The following SRPK2 variants were observed in gnomAD, a reference collection of about 807,000 sequenced individuals.
The protein encoded by SRPK2 is SRSF protein kinase 2, also known as SFRS protein kinase 2.
Under a neutral mutation model 90.8 loss-of-function variants are expected in SRPK2, and 21 were observed. That is an observed-to-expected ratio of 0.23 (90% CI 0.16 to 0.33). The LOEUF (loss-of-function observed/expected upper bound fraction) is 0.33, where lower values mean the gene tolerates loss of function less well. SRPK2 is among the 10% of genes least tolerant of loss of function. The pLI is 1.00. For synonymous variants in SRPK2, 288 were observed against 311.1 expected (o/e 0.93, Z 0.78); for missense variants, 620 against 869.0 (o/e 0.71, Z 3.60).
intron 2 of SRPK2, among the ~76,000 whole-genome samples, chr7:105,303,073 CA>C (rs926789697): frequency 6.7e-6 from 1 of 149,142 alleles, no homozygotes; most frequent in African/African-American, 2.5e-5. Context: ...GACTCCGTCT[CA>C]AAAAAAAAGG....
At chr7:105,241,578 G>A (rs66790006) in intron 2 of SRPK2, among the ~76,000 whole-genome samples, 65,259 of 151,936 alleles carry the variant, frequency 0.43, 15,477 homozygotes, top group Non-Finnish European at 0.53. Flanking sequence ...GCACAATGAG[G>A]TTAGGCAACT....
Position 105,269,207 on chromosome 7 carries a change from G to C in SRPK2, c.72-65422C>G, listed in dbSNP as rs188905650. ...TACAAACAAGAAATCTTGAACATCT[G>C]AATTAAATATACTAGATAATTTGAG... On this transcript the variant is annotated intron_variant, in intron 2 of 15. Coordinates refer to ENST00000393651, the MANE Select transcript of SRPK2 (RefSeq NM_182692.3). 6 of 508,344 alleles carry C rather than the reference G, an allele frequency of 1.2e-5. No individual in the cohort carries two copies. The Admixed American group carries it at 3.2e-4, about 27-fold the overall frequency. 31.5% of individuals were successfully genotyped at this position (508,344 alleles called of 1,614,324 possible).
upstream of SRPK2, among the ~76,000 whole-genome samples, chr7:105,393,469 T>C (rs998551701): frequency 1.3e-5 from 2 of 149,480 alleles, no homozygotes; most frequent in African/African-American, 4.9e-5. Context: ...CTTTTTTTTT[T>C]TTTTTTTTTT....
intron 3 of SRPK2, among the ~76,000 whole-genome samples, chr7:105,201,219 A>G (rs1336479715): frequency 6.6e-6 from 1 of 152,180 alleles, no homozygotes; most frequent in Non-Finnish European, 1.5e-5. Flanking sequence ...CTGTTGTGGA[A>G]TATACCACAA....
intron 2 of SRPK2, among the ~76,000 whole-genome samples, chr7:105,210,455 C>T (rs1247315490): frequency 6.6e-6 from 1 of 152,128 alleles, no homozygotes; most frequent in Non-Finnish European, 1.5e-5. Flanking sequence ...ATAGTAGAAT[C>T]GGTCAATATA....
At chr7:105,223,989 T>C (rs1028322947) in intron 2 of SRPK2, among the ~76,000 whole-genome samples, 1 of 152,160 alleles carries the variant, frequency 6.6e-6, no homozygotes, top group African/African-American at 2.4e-5. Flanking sequence ...TAGATATATA[T>C]TCCCCACCTG....
At position 105,396,757 on chromosome 7, in the gene SRPK2, GGAAAGAGAGAGAAA is replaced by G. The variant is rs1479195462; in HGVS notation, n.153+2385_153+2398del. On this transcript the variant is annotated intron_variant and non_coding_transcript_variant, in intron 1 of 3. Transcript: ENST00000462282. ...AGAGGAGGAGGAGGAGGAGAGGAGA[GGAAAGAGAGAGAAA>G]GAAAGAGAGAGAAAGAAAGAAAGAG... Among the ~76,000 whole-genome samples the G allele has an allele frequency of 5.6e-3, 817 of 145,872 alleles. 9 individuals carry two copies. Among genetic ancestry groups the G allele is most frequent in the African/African-American group, 0.018 (685 of 38,692 alleles).
At chr7:105,231,669 A>G (rs1799440128) in intron 2 of SRPK2, among the ~76,000 whole-genome samples, 1 of 152,140 alleles carries the variant, frequency 6.6e-6, no homozygotes, top group African/African-American at 2.4e-5. Context: ...ATGATCTGAG[A>G]TACTGAACTT....
At chr7:105,254,764 G>A (rs956791590) in intron 2 of SRPK2, among the ~76,000 whole-genome samples, 7 of 151,794 alleles carry the variant, frequency 4.6e-5, no homozygotes, top group Non-Finnish European at 8.8e-5. Context: ...GTCTTGGCTC[G>A]CTGTAGCCTT....
rs975939101 is a variant in SRPK2 at position 105,294,816 on chromosome 7, G to T, written c.72-91031C>A. On this transcript the variant is annotated intron_variant, in intron 2 of 15. Coordinates refer to ENST00000393651, the MANE Select transcript of SRPK2 (RefSeq NM_182692.3). ...GCTGGAATTACAGGTGTGAGCCACC[G>T]CACCCAACCCTTAGTCATTTTCTAA... is the stretch of plus-strand genomic sequence containing the variant. 2.0e-5 allele frequency among the ~76,000 whole-genome samples: 3 copies of T among 152,030 alleles called. No homozygotes were observed. In the East Asian group the frequency reaches 5.8e-4, roughly 29 times the overall value.
intron 2 of SRPK2, among the ~76,000 whole-genome samples, chr7:105,368,459 T>C (rs140139237): frequency 6.6e-6 from 1 of 152,332 alleles, no homozygotes; most frequent in East Asian, 1.9e-4. Flanking sequence ...AACTATTTTC[T>C]GTATCAGTCC....
chr7:105,244,638 G>A, intron 2 of SRPK2: 1 of 771,560 alleles, frequency 1.3e-6, no homozygotes, highest in Non-Finnish European at 2.2e-6. Flanking sequence ...GGCCGCCTTT[G>A]GAGAGCAGCA....
At chr7:105,157,003 A>C (rs10487150) in intron 7 of SRPK2, among the ~76,000 whole-genome samples, 46,536 of 152,050 alleles carry the variant, frequency 0.31, 7,411 homozygotes, top group Non-Finnish European at 0.35. Context: ...AAAGAATTCT[A>C]AATGGGAATA....
At chr7:105,152,616 G>A (rs1805865449) in intron 7 of SRPK2, among the ~76,000 whole-genome samples, 1 of 152,156 alleles carries the variant, frequency 6.6e-6, no homozygotes, top group Non-Finnish European at 1.5e-5. Context: ...CAAACCAAAA[G>A]GAATCATGTT....
chr7:105,241,809 C>G (rs565603314), intron 2 of SRPK2, among the ~76,000 whole-genome samples: 8 of 152,182 alleles, frequency 5.3e-5, no homozygotes, highest in African/African-American at 1.9e-4. Context: ...TATCACCTCT[C>G]CTCCCAGCAA....
chr7:105,268,081 G>T (rs1156271713), intron 2 of SRPK2, among the ~76,000 whole-genome samples: 1 of 152,158 alleles, frequency 6.6e-6, no homozygotes, highest in Non-Finnish European at 1.5e-5. Flanking sequence ...TCTGACTTCA[G>T]ATAAAAATAT....
intron 2 of SRPK2, among the ~76,000 whole-genome samples, chr7:105,245,865 C>T (rs1393527286): frequency 6.6e-6 from 1 of 152,106 alleles, no homozygotes; most frequent in Non-Finnish European, 1.5e-5. Context: ...ACTACAGGCA[C>T]ACATCATCGC....
At chr7:105,361,886 T>C (rs568301567) in intron 2 of SRPK2, among the ~76,000 whole-genome samples, 127 of 152,246 alleles carry the variant, frequency 8.3e-4, no homozygotes, top group African/African-American at 3.0e-3. Flanking sequence ...GAAGAAAACC[T>C]AGGCAATACC....
intron 3 of SRPK2, among the ~76,000 whole-genome samples, chr7:105,188,816 A>C (rs562677236): frequency 6.6e-6 from 1 of 152,362 alleles, no homozygotes; most frequent in Non-Finnish European, 1.5e-5. Context: ...AAATGTTTTT[A>C]GAATACTACC....
Sources: allele counts gnomAD v4.1 joint callset (sites outside exome capture counted in the v4.1 genomes callset), GRCh38; gene constraint gnomAD v4.1.1; transcripts MANE v1.5; gene names NCBI Gene and HGNC (gene_info 2026-07-23, HGNC 2026-07-21).